Variants in ZNF397 observed in about 807,000 individuals in gnomAD.
ZNF397 encodes zinc finger and SCAN domain-containing protein 15.
A neutral mutation model predicts 50.6 loss-of-function variants in ZNF397; 38 were observed. The ratio of observed to expected loss-of-function variants is 0.75; its 90% CI spans 0.58 to 0.98. The LOEUF is 0.98. ZNF397 is among the 50% of genes least tolerant of loss of function. The pLI is 0.00. For missense variants in ZNF397, 624 were observed against 624.1 expected, an observed-to-expected ratio of 1.00 and a Z score of 0.00; for synonymous variants, 228 against 215.2, an observed-to-expected ratio of 1.06 and a Z score of -0.52.
intron 5 of ZNF397, chr18:35,255,662 A>G (rs1349808529): frequency 1.3e-5 from 2 of 154,366 alleles, no homozygotes; most frequent in Non-Finnish European, 2.9e-5. Flanking sequence ...TCTGATATTA[A>G]GTTCACAACA....
Position 35,257,574 on chromosome 18 carries a change from C to T in ZNF397, c.818-354C>T, listed in dbSNP as rs542826198. The T allele has an allele frequency of 2.5e-4, 68 of 273,006 alleles. No homozygotes were observed. The East Asian group carries it at 5.6e-3, about 23-fold the overall frequency. 16.9% of individuals were successfully genotyped at this position (273,006 alleles called of 1,614,324 possible). ...TACCAAATACAAAATCTGCTAGCAC[C>T]TTGAACTTCTCAGCCTCCAGAACTG... On this transcript the variant is annotated intron_variant, in intron 5 of 5. Coordinates refer to the ZNF397 transcript ENST00000261333.
Position 35,249,722 on chromosome 18 carries a change from G to A in ZNF397, c.*3412G>A, listed in dbSNP as rs1238717990. Reference sequence around the variant, plus strand: ...TTAAATGAAGTATTCATGATATATTGTTAAGTAAAAATATTACAAAACAAT... The same window carrying A: ...TTAAATGAAGTATTCATGATATATTATTAAGTAAAAATATTACAAAACAAT... On this transcript the variant is annotated 3_prime_UTR_variant, in exon 4 of 4. Transcript: ENST00000330501. 1.4e-5 allele frequency: 2 copies of A among 138,890 alleles called. No individual in the cohort carries two copies. The highest frequency in any genetic ancestry group is 5.2e-5 in the African/African-American group (2 of 38,178). 8.6% of individuals were successfully genotyped at this position (138,890 alleles called of 1,614,324 possible). A position where few individuals can be genotyped will look rare whatever the true frequency, so the allele number is the denominator to read the frequency against.
downstream of ZNF397, chr18:35,253,481 A>G: frequency 6.3e-7 from 1 of 1,596,658 alleles, no homozygotes; most frequent in Non-Finnish European, 8.5e-7. Context: ...CTGATGCTGC[A>G]TAAGGCCTGA....
intron 3 of ZNF397, chr18:35,243,671 G>T: frequency 2.3e-6 from 1 of 442,250 alleles, no homozygotes; most frequent in South Asian, 3.0e-5. Flanking sequence ...ACATCTAAAG[G>T]CACCTAACCC....
chr18:35,253,723 C>T, downstream of ZNF397: 1 of 1,614,164 alleles, frequency 6.2e-7, no homozygotes, highest in South Asian at 1.1e-5. Context: ...TGTGAATTTT[C>T]TTATGCTGAA....
intron 2 of ZNF397, 87 bp from the exon 3 acceptor site, chr18:35,243,065 T>G (rs1912638240): frequency 1.3e-5 from 21 of 1,579,044 alleles, no homozygotes; most frequent in Non-Finnish European, 1.6e-5. Flanking sequence ...TCCCTGGAGA[T>G]GTCATCATTG....
In ZNF397 at chr18:35,246,613, A is replaced by C. The variant is rs539423338; in HGVS notation, c.*303A>C. 4.0e-5 allele frequency: 44 copies of C among 1,113,442 alleles called. No individual in the cohort carries two copies. The highest frequency in any genetic ancestry group is 2.1e-4 in the African/African-American group (13 of 60,656). The allele number at this position is 1,113,442 out of a possible 1,614,324, so 69.0% of individuals were successfully genotyped here. On this transcript the variant is annotated 3_prime_UTR_variant, in exon 4 of 4. Coordinates refer to ENST00000330501, the MANE Select transcript of ZNF397 (RefSeq NM_001135178.3). ...CTCATTTTGTATGAAAGTGTCATGAATATAGCAACCCAGGCTCTGTCACTG... is the reference window on the plus strand; with the variant it reads ...CTCATTTTGTATGAAAGTGTCATGACTATAGCAACCCAGGCTCTGTCACTG...
At chr18:35,254,269 T>C (rs201537731), downstream of ZNF397, 6 of 1,614,026 alleles carry the variant, frequency 3.7e-6, no homozygotes, top group African/African-American at 1.3e-5. Flanking sequence ...CAGCTATCCG[T>C]TGGGAATGTG....
chr18:35,252,983 T>TTCACAA (rs2043650434), downstream of ZNF397: 1 of 154,872 alleles, frequency 6.5e-6, no homozygotes, highest in Non-Finnish European at 1.4e-5. Context: ...ATTCAATATT[T>TTCACAA]TCACAACCTC....
At chr18:35,242,915 G>A in intron 2 of ZNF397, 31 bp downstream of exon 2, 3 of 1,567,572 alleles carry the variant, frequency 1.9e-6, no homozygotes, top group Non-Finnish European at 2.6e-6. Context: ...TGTGGGAAAA[G>A]GAATTTACAG....
rs1304026701 is a variant in ZNF397 at position 35,248,174 on chromosome 18, C to T, written c.*1864C>T. 1.3e-5 allele frequency: 2 copies of T among 152,178 alleles called. No homozygotes were observed. The highest frequency in any genetic ancestry group is 2.4e-5 in the African/African-American group (1 of 41,438). The allele number at this position is 152,178 out of a possible 1,614,324, so 9.4% of individuals were successfully genotyped here. A position where few individuals can be genotyped will look rare whatever the true frequency, so the allele number is the denominator to read the frequency against. On this transcript the variant is annotated 3_prime_UTR_variant, in exon 4 of 4. Coordinates refer to ENST00000330501, the MANE Select transcript of ZNF397 (RefSeq NM_001135178.3). ...AAGACCTAATAGGTCAGAAGAATAA[C>T]ATACCACACCAAAAACAAATCTGTA...
Position 35,246,281 on chromosome 18 carries a change from C to A in ZNF397, c.1576C>A (p.Arg526Ser). 3 of 1,550,210 alleles carry A rather than the reference C, an allele frequency of 1.9e-6. No individual in the cohort carries two copies. The highest frequency in any genetic ancestry group is 2.6e-6 in the Non-Finnish European group (3 of 1,146,390). The change falls in exon 4 of 4, where the codon CGC becomes AGC. Residue 526 changes from arginine (R) to serine (S), a missense_variant. Coordinates refer to ENST00000330501, the MANE Select transcript of ZNF397 (RefSeq NM_001135178.3). ...KAFRHRSVLM[R>S]HQRVHTIK is the part of the protein sequence containing the mutation. ...TTTCAGGCACAGATCGGTCCTTATG[C>A]GCCATCAAAGAGTCCACACTATAAA...
chr18:35,258,426 C>A, downstream of ZNF397: 1 of 161,942 alleles, frequency 6.2e-6, no homozygotes, highest in Non-Finnish European at 1.3e-5. Flanking sequence ...TATTTTAAAT[C>A]AATCAGATTC....
At chr18:35,253,400 C>A, downstream of ZNF397, 1 of 1,481,880 alleles carries the variant, frequency 6.7e-7, no homozygotes, top group South Asian at 1.4e-5. Context: ...AGTCTCACCC[C>A]TACAGTGAAC....
At chr18:35,253,605 T>TA (rs758905631), downstream of ZNF397, 1 of 1,613,948 alleles carries the variant, frequency 6.2e-7, no homozygotes, top group Non-Finnish European at 8.5e-7. Flanking sequence ...CCACATTCAT[T>TA]ACATTCATAA....
Position 35,248,238 on chromosome 18 carries a change from A to G in ZNF397, c.*1928A>G, listed in dbSNP as rs1256208628. The G allele has an allele frequency of 2.6e-5, 4 of 152,242 alleles. No individual in the cohort carries two copies. The highest frequency in any genetic ancestry group is 9.6e-5 in the African/African-American group (4 of 41,468). The allele number at this position is 152,242 out of a possible 1,614,324, so 9.4% of individuals were successfully genotyped here. ...TCATGTGCATAGAAAAAGAATTTTCATGAGGATAAAAAGAAGCAAAGAGAA... is the reference window on the plus strand; with the variant it reads ...TCATGTGCATAGAAAAAGAATTTTCGTGAGGATAAAAAGAAGCAAAGAGAA... On this transcript the variant is annotated 3_prime_UTR_variant, in exon 4 of 4. Transcript: ENST00000330501.
intron 5 of ZNF397, among the ~76,000 whole-genome samples, chr18:35,256,506 A>G (rs2043822540): frequency 6.6e-6 from 1 of 152,130 alleles, no homozygotes; most frequent in African/African-American, 2.4e-5. Context: ...GGTTGCAGTG[A>G]ACCAAGATCA....
chr18:35,255,547 A>G (rs1424271410), intron 5 of ZNF397, among the ~76,000 whole-genome samples: 2 of 152,118 alleles, frequency 1.3e-5, no homozygotes, highest in African/African-American at 4.8e-5. Flanking sequence ...TCCATATTGG[A>G]AGGATGCAGG....
rs1423623257 is a variant in ZNF397 at position 35,249,681 on chromosome 18, C to T, written c.*3371C>T. On this transcript the variant is annotated 3_prime_UTR_variant, in exon 4 of 4. Transcript: ENST00000330501. ...AAAAAAAAAAAAAAAAAAAAAAACA[C>T]TGATGTCAATTAATATTAAATGAAG... The T allele has an allele frequency of 1.1e-5, 1 of 94,968 alleles. No individual in the cohort carries two copies. The highest frequency in any genetic ancestry group is 3.8e-5 in the African/African-American group (1 of 26,654). The allele number at this position is 94,968 out of a possible 1,614,324, so 5.9% of individuals were successfully genotyped here. A position where few individuals can be genotyped will look rare whatever the true frequency, so the allele number is the denominator to read the frequency against.
Sources: gnomAD v4.1 joint callset for allele counts (sites outside exome capture counted in the v4.1 genomes callset) on GRCh38, gnomAD v4.1.1 for gene constraint, MANE v1.5 for transcripts, NCBI Gene and HGNC (gene_info 2026-07-23, HGNC 2026-07-21) for gene names.